Variants in N4BP1 observed in about 807,000 individuals in gnomAD.
The protein encoded by N4BP1 is NEDD4-binding protein 1.
Under a neutral mutation model 70.9 loss-of-function variants are expected in N4BP1, and 21 were observed. That is an observed-to-expected ratio of 0.30 (90% CI 0.21 to 0.43). The LOEUF (loss-of-function observed/expected upper bound fraction) is 0.43, where lower values mean the gene tolerates loss of function less well. Among genes scored for constraint, N4BP1 ranks in the 20% least tolerant of loss-of-function variants. The pLI, the probability that N4BP1 is intolerant of heterozygous loss-of-function variation, is 1.00. For synonymous variants in N4BP1, 387 were observed against 394.6 expected, an observed-to-expected ratio of 0.98 and a Z score of 0.23; for missense variants, 936 against 1,069.4, an observed-to-expected ratio of 0.88 and a Z score of 1.74.
At position 48,610,076 on chromosome 16, in the gene N4BP1, C is replaced by G. The variant is rs1964661827; in HGVS notation, c.-104G>C. 2 of 599,214 alleles carry G rather than the reference C, an allele frequency of 3.3e-6. No individual in the cohort carries two copies. The highest frequency in any genetic ancestry group is 2.1e-6 in the Non-Finnish European group (1 of 473,846). 37.1% of individuals were successfully genotyped at this position (599,214 alleles called of 1,614,324 possible). A position where few individuals can be genotyped will look rare whatever the true frequency, so the allele number is the denominator to read the frequency against. ...CCAGTCAGGCGGCGTCGGCCCTTCC[C>G]GGCCGCCTCGCCCCCGCCCGCGCCC... On this transcript the variant is annotated 5_prime_UTR_variant, in exon 1 of 7. Coordinates refer to ENST00000262384, the MANE Select transcript of N4BP1 (RefSeq NM_153029.4).
chr16:48,546,457 G>C, intron 5 of N4BP1: 1 of 388,062 alleles, frequency 2.6e-6, no homozygotes, highest in Non-Finnish European at 4.5e-6. Context: ...ACAATAGTCA[G>C]AACGTTTTAT....
chr16:48,591,665 T>C (rs987747572), intron 1 of N4BP1, among the ~76,000 whole-genome samples: 43 of 151,514 alleles, frequency 2.8e-4, no homozygotes, highest in African/African-American at 9.9e-4. Context: ...GGATATTGGT[T>C]GTTTTTGTGA....
chr16:48,558,487 C>T (rs1044066699), intron 2 of N4BP1, among the ~76,000 whole-genome samples: 1 of 152,158 alleles, frequency 6.6e-6, no homozygotes, highest in Admixed American at 6.5e-5. Context: ...GCAAAACATC[C>T]TGTCACGGAT....
rs750355255 is a variant in N4BP1, at chr16:48,594,001, C to CAAAAAA, written c.198+15768_198+15773dup. ...TGGGTGCCAGAGCAAGACTCCGTCT[C>CAAAAAA]AAAAAAAAAAAAAAAAACAAAAAAA... On this transcript the variant is annotated intron_variant, in intron 1 of 6. Coordinates refer to ENST00000262384, the MANE Select transcript of N4BP1 (RefSeq NM_153029.4). Among the ~76,000 whole-genome samples, 41 of 42,488 alleles carry CAAAAAA rather than the reference C, an allele frequency of 9.6e-4. 2 individuals carry two copies. Among genetic ancestry groups the CAAAAAA allele is most frequent in the African/African-American group, 2.3e-3 (26 of 11,334 alleles). 27.9% of individuals were successfully genotyped at this position (42,488 alleles called of 152,430 possible). A position where few individuals can be genotyped will look rare whatever the true frequency, so the allele number is the denominator to read the frequency against.
chr16:48,588,667 A>C (rs546043570), intron 1 of N4BP1, among the ~76,000 whole-genome samples: 1 of 152,268 alleles, frequency 6.6e-6, no homozygotes, highest in East Asian at 1.9e-4. Flanking sequence ...TGTCCAAAAG[A>C]ACTTCTGCAA....
chr16:48,608,755 TAA>T (rs561784619), intron 1 of N4BP1, among the ~76,000 whole-genome samples: 25 of 133,988 alleles, frequency 1.9e-4, no homozygotes, highest in Non-Finnish European at 1.6e-4. Context: ...AGCTGTTAAT[TAA>T]AAAAAAAAAA....
rs114924442 is a variant in N4BP1 at position 48,565,539 on chromosome 16, T to C, written c.199-3095A>G. Among the ~76,000 whole-genome samples, 1,170 of 152,368 alleles carry C rather than the reference T, an allele frequency of 7.7e-3. 17 individuals carry two copies. Among genetic ancestry groups the C allele is most frequent in the African/African-American group, 0.027 (1,123 of 41,580 alleles). On this transcript the variant is annotated intron_variant, in intron 1 of 6. Coordinates refer to ENST00000262384, the MANE Select transcript of N4BP1 (RefSeq NM_153029.4). ...AATTCTTTCACATATTGCTGAATTA[T>C]ATTTGCAAATATTTTGTTAAGAATC...
At chr16:48,601,710 G>T (rs8047127) in intron 1 of N4BP1, among the ~76,000 whole-genome samples, 30,174 of 82,212 alleles carry the variant, frequency 0.37, 3,947 homozygotes, top group East Asian at 0.72. Context: ...GTTTTTTGTG[G>T]TTTTTTTTGG....
At chr16:48,550,874 C>T (rs550102409) in intron 4 of N4BP1, among the ~76,000 whole-genome samples, 6 of 151,506 alleles carry the variant, frequency 4.0e-5, no homozygotes, top group Admixed American at 2.0e-4. Flanking sequence ...GCTGAGATTG[C>T]GCCACTGCAC....
intron 1 of N4BP1, among the ~76,000 whole-genome samples, chr16:48,582,013 C>G (rs1964181258): frequency 6.6e-6 from 1 of 152,020 alleles, no homozygotes; most frequent in Non-Finnish European, 1.5e-5. Flanking sequence ...ACAGAGATTA[C>G]CTACAGAATG....
At chr16:48,551,582 T>C in intron 3 of N4BP1, 100 bp from the exon 4 acceptor site, 1 of 803,086 alleles carries the variant, frequency 1.2e-6, no homozygotes, top group Non-Finnish European at 1.9e-6. Context: ...TGGAGAGCTG[T>C]AGAAAACCTT....
At chr16:48,569,663 T>A (rs995724881) in intron 1 of N4BP1, among the ~76,000 whole-genome samples, 4 of 152,224 alleles carry the variant, frequency 2.6e-5, no homozygotes, top group African/African-American at 9.6e-5. Flanking sequence ...CTCAAAGTGC[T>A]GGGATTATAG....
chr16:48,577,022 T>C (rs3848319), intron 1 of N4BP1, among the ~76,000 whole-genome samples: 61,860 of 152,008 alleles, frequency 0.41, 13,611 homozygotes, highest in African/African-American at 0.58. Context: ...CCTCAGCCTC[T>C]CAAAGTGCTA....
At chr16:48,597,607 A>G (rs1964435624) in intron 1 of N4BP1, among the ~76,000 whole-genome samples, 2 of 152,220 alleles carry the variant, frequency 1.3e-5, no homozygotes, top group South Asian at 4.1e-4. Flanking sequence ...CAGAATCAGC[A>G]TGAGAATACA....
chr16:48,600,195 C>T lies in N4BP1; in HGVS notation c.198+9580G>A, dbSNP rs1964474751. 3 of 664,616 alleles carry T rather than the reference C, an allele frequency of 4.5e-6. No homozygotes were observed. The South Asian group carries it at 4.5e-5, about 10-fold the overall frequency. 41.2% of individuals were successfully genotyped at this position (664,616 alleles called of 1,614,324 possible). ...CTGTGAAGTGTTATTTCTGTTTGGG[C>T]CCATCTACCCTGGCCACGGCATGAT... On this transcript the variant is annotated intron_variant, in intron 1 of 6. Coordinates refer to ENST00000262384, the MANE Select transcript of N4BP1 (RefSeq NM_153029.4).
At chr16:48,548,512 T>G (rs1963620231) in intron 4 of N4BP1, among the ~76,000 whole-genome samples, 1 of 152,212 alleles carries the variant, frequency 6.6e-6, no homozygotes, top group Non-Finnish European at 1.5e-5. Context: ...GATTAGCTGT[T>G]TAGTACAATC....
chr16:48,589,509 T>A (rs1964301188), intron 1 of N4BP1, among the ~76,000 whole-genome samples: 2 of 152,170 alleles, frequency 1.3e-5, no homozygotes, highest in South Asian at 4.1e-4. Context: ...ATGGAAGCTC[T>A]AAGCCCTTTC....
intron 1 of N4BP1, among the ~76,000 whole-genome samples, chr16:48,607,332 A>C (rs1964598216): frequency 6.6e-6 from 1 of 152,332 alleles, no homozygotes; most frequent in East Asian, 1.9e-4. Flanking sequence ...AACCCAGAGG[A>C]GGCAGAACGC....
At chr16:48,554,122 T>C (rs1167277296) in intron 2 of N4BP1, among the ~76,000 whole-genome samples, 1 of 148,708 alleles carries the variant, frequency 6.7e-6, no homozygotes, top group African/African-American at 2.5e-5. Context: ...ATGAAACTAA[T>C]GGGGGGCCGT....
Sources: gnomAD v4.1 joint callset for allele counts (sites outside exome capture counted in the v4.1 genomes callset) on GRCh38, gnomAD v4.1.1 for gene constraint, MANE v1.5 for transcripts, NCBI Gene and HGNC (gene_info 2026-07-23, HGNC 2026-07-21) for gene names.